Variants in PITPNC1 observed in about 807,000 individuals in gnomAD.
The protein encoded by PITPNC1 is cytoplasmic phosphatidylinositol transfer protein 1.
PITPNC1 carries 18 observed loss-of-function variants against 44.7 expected under a neutral mutation model. The observed-to-expected ratio is 0.40, with a 90% CI of 0.28 to 0.60. The LOEUF (loss-of-function observed/expected upper bound fraction) is 0.60, where lower values mean the gene tolerates loss of function less well. Ranked by LOEUF, PITPNC1 falls within the 20% of genes least tolerant of loss-of-function variation. The pLI is 0.39. For synonymous variants in PITPNC1, 141 were observed against 149.6 expected (o/e 0.94, Z 0.42); for missense variants, 290 against 418.4 (o/e 0.69, Z 2.68).
In PITPNC1 at chr17:67,495,037, G is replaced by GTTGT. The variant is rs2039925646; in HGVS notation, c.49-37762_49-37759dup. Among the ~76,000 whole-genome samples, 29 of 79,374 alleles carry GTTGT rather than the reference G, an allele frequency of 3.7e-4. 1 individual carries two copies. In the East Asian group the frequency reaches 7.2e-3, roughly 20 times the overall value. 52.1% of individuals were successfully genotyped at this position (79,374 alleles called of 152,430 possible). On this transcript the variant is annotated intron_variant, in intron 1 of 8. Coordinates refer to ENST00000581322, the MANE Select transcript of PITPNC1 (RefSeq NM_012417.4). ...AACTTTGGCAATATTGAGCCATGGA[G>GTTGT]TTGTTTTTTTTTTTGTTTTTTTTTT... is the stretch of plus-strand genomic sequence containing the variant.
Position 67,454,842 on chromosome 17 carries a change from C to T in PITPNC1, c.48+76640C>T, listed in dbSNP as rs1174401279. ...TTCCTTTTTTTTTTTTTTTTTGAGT[C>T]AGGGTCTCACTGTGTCACCCAGGCT... On this transcript the variant is annotated intron_variant, in intron 1 of 8. Transcript: ENST00000581322. Among the ~76,000 whole-genome samples the T allele has an allele frequency of 1.3e-4, 16 of 127,444 alleles. No homozygotes were observed. In the East Asian group the frequency reaches 1.8e-3, roughly 14 times the overall value. 83.6% of individuals were successfully genotyped at this position (127,444 alleles called of 152,430 possible).
chr17:67,517,309 C>G (rs561493143), intron 1 of PITPNC1, among the ~76,000 whole-genome samples: 1 of 152,306 alleles, frequency 6.6e-6, no homozygotes, highest in African/African-American at 2.4e-5. Context: ...CTGTACATAA[C>G]TTAAAACTAT....
At chr17:67,411,010 A>C (rs1237568744) in intron 1 of PITPNC1, among the ~76,000 whole-genome samples, 1 of 149,980 alleles carries the variant, frequency 6.7e-6, no homozygotes, top group East Asian at 2.0e-4. Context: ...TGAACTCGGG[A>C]GGCGGAGGTT....
Position 67,692,889 on chromosome 17 carries a change from CTT to C in PITPNC1, c.*3_*4del. ...GCCATGTCGGCCCAAATCTGAGTAA[CTT>C]TATATAAATATCTCATGGGGTTTTA... On this transcript the variant is annotated 3_prime_UTR_variant, in exon 9 of 9. Coordinates refer to ENST00000581322, the MANE Select transcript of PITPNC1 (RefSeq NM_012417.4). 4 of 1,540,270 alleles carry C rather than the reference CTT, an allele frequency of 2.6e-6. No homozygotes were observed. Among genetic ancestry groups the C allele is most frequent in the Non-Finnish European group, 3.6e-6 (4 of 1,123,196 alleles).
chr17:67,546,507 G>T (rs1301950818), intron 2 of PITPNC1, among the ~76,000 whole-genome samples: 1 of 152,136 alleles, frequency 6.6e-6, no homozygotes, highest in Non-Finnish European at 1.5e-5. Flanking sequence ...AGGCCTGGTT[G>T]GGATCTCAGA....
chr17:67,579,747 T>G (rs1014486616), intron 5 of PITPNC1, among the ~76,000 whole-genome samples: 1 of 149,846 alleles, frequency 6.7e-6, no homozygotes, highest in African/African-American at 2.5e-5. Flanking sequence ...AAGACCAGCC[T>G]GGGTAACATG....
At chr17:67,406,706 C>T (rs563938223) in intron 1 of PITPNC1, among the ~76,000 whole-genome samples, 1 of 152,064 alleles carries the variant, frequency 6.6e-6, no homozygotes, top group African/African-American at 2.4e-5. Flanking sequence ...CCTGCCTCAG[C>T]CTCCCGAGTA....
chr17:67,572,240 A>G (rs1051193743), intron 4 of PITPNC1, among the ~76,000 whole-genome samples: 1 of 152,116 alleles, frequency 6.6e-6, no homozygotes, highest in African/African-American at 2.4e-5. Flanking sequence ...TCGGTGATAT[A>G]GAATCCCTCC....
intron 2 of PITPNC1, among the ~76,000 whole-genome samples, chr17:67,539,443 A>G (rs1317866349): frequency 6.6e-6 from 1 of 152,232 alleles, no homozygotes; most frequent in Non-Finnish European, 1.5e-5. Flanking sequence ...ATTATGGCAC[A>G]TTCACGTAAT....
At chr17:67,427,763 A>C (rs1411362945) in intron 1 of PITPNC1, among the ~76,000 whole-genome samples, 2 of 152,180 alleles carry the variant, frequency 1.3e-5, no homozygotes, top group African/African-American at 4.8e-5. Flanking sequence ...ATTTGATGGA[A>C]TCTTTGTTGA....
chr17:67,666,931 C>G (rs540029596), intron 6 of PITPNC1, among the ~76,000 whole-genome samples: 1 of 152,200 alleles, frequency 6.6e-6, no homozygotes, highest in Non-Finnish European at 1.5e-5. Flanking sequence ...TTGTAAGCAG[C>G]CTGCTTTTAC....
intron 1 of PITPNC1, among the ~76,000 whole-genome samples, chr17:67,468,119 C>A (rs1014244668): frequency 5.3e-5 from 8 of 152,114 alleles, no homozygotes; most frequent in African/African-American, 1.7e-4. Context: ...GAGAGTGTGA[C>A]AAGGGGTGAC....
intron 1 of PITPNC1, among the ~76,000 whole-genome samples, chr17:67,422,297 GAC>G (rs1381394967): frequency 6.6e-6 from 1 of 152,234 alleles, no homozygotes; most frequent in African/African-American, 2.4e-5. Flanking sequence ...CATATGGAGA[GAC>G]AGAGATTTGG....
rs181995117 is a variant in PITPNC1 at position 67,618,628 on chromosome 17, C to T, written c.367-13515C>T. ...TAGCTGGGTGTGTTGGCCAGCCCCC[C>T]ATAAACCCAGCTACTCAGGAGACTG... On this transcript the variant is annotated intron_variant, in intron 5 of 8. Transcript: ENST00000581322. Among the ~76,000 whole-genome samples, 551 of 151,720 alleles carry T rather than the reference C, an allele frequency of 3.6e-3. 2 individuals are homozygous for T. Among genetic ancestry groups the T allele is most frequent in the Middle Eastern group, 6.9e-3 (2 of 290 alleles).
At chr17:67,655,585 A>C (rs1445814581) in intron 6 of PITPNC1, among the ~76,000 whole-genome samples, 1 of 139,622 alleles carries the variant, frequency 7.2e-6, no homozygotes, top group Non-Finnish European at 1.6e-5. Context: ...AAAAAAAAGC[A>C]CTAATTGCCT....
intron 1 of PITPNC1, among the ~76,000 whole-genome samples, chr17:67,459,439 C>T (rs1333296738): frequency 6.6e-6 from 1 of 152,156 alleles, no homozygotes; most frequent in Non-Finnish European, 1.5e-5. Context: ...TTAGTTCCAA[C>T]TCTCTGCTTC....
chr17:67,528,310 G>A (rs1337366033), intron 1 of PITPNC1, among the ~76,000 whole-genome samples: 1 of 152,216 alleles, frequency 6.6e-6, no homozygotes, highest in Non-Finnish European at 1.5e-5. Context: ...CCAAAGTGCT[G>A]GAATTACAGG....
intron 2 of PITPNC1, among the ~76,000 whole-genome samples, chr17:67,542,137 A>G (rs892524396): frequency 6.6e-6 from 1 of 152,206 alleles, no homozygotes; most frequent in African/African-American, 2.4e-5. Flanking sequence ...TCCAGCATAC[A>G]TATGTAACCA....
At chr17:67,479,259 T>G (rs547419751) in intron 1 of PITPNC1, among the ~76,000 whole-genome samples, 12 of 152,314 alleles carry the variant, frequency 7.9e-5, no homozygotes, top group African/African-American at 2.6e-4. Context: ...ATGTTCACAC[T>G]TTCTGCCTAC....
Sources: gnomAD v4.1 joint callset for allele counts (sites outside exome capture counted in the v4.1 genomes callset) on GRCh38, gnomAD v4.1.1 for gene constraint, MANE v1.5 for transcripts, NCBI Gene and HGNC (gene_info 2026-07-23, HGNC 2026-07-21) for gene names.